COL18A1: variants seen among roughly 807,000 people sequenced by gnomAD.
The protein encoded by COL18A1 is collagen alpha-1(XVIII) chain.
Under a neutral mutation model 168.0 loss-of-function variants are expected in COL18A1, and 133 were observed. The ratio of observed to expected loss-of-function variants is 0.79; its 90% confidence interval spans 0.69 to 0.91. COL18A1 has a LOEUF of 0.91. COL18A1 is among the 40% of genes least tolerant of loss of function. The pLI, the probability that COL18A1 is intolerant of heterozygous loss-of-function variation, is 0.00. For missense variants in COL18A1, 2,126 were observed against 1,925.4 expected, an observed-to-expected ratio of 1.10 and a Z score of -1.95; for synonymous variants, 949 against 809.0, an observed-to-expected ratio of 1.17 and a Z score of -2.94.
Position 45,455,949 on chromosome 21 carries a change from C to T in COL18A1, c.107-12293C>T, listed in dbSNP as rs758099059. 3.3e-5 allele frequency: 54 copies of T among 1,612,954 alleles called. No homozygotes were observed. The highest frequency in any genetic ancestry group is 2.0e-4 in the African/African-American group (15 of 74,922). The stretch of plus-strand genomic sequence containing the variant: ...GTCCCCACTGAGAGCTTGGCCAGGG[C>T]GGAAACCCTGGTCCTGGAGACTCCT... On this transcript the variant is annotated intron_variant, in intron 2 of 41. Coordinates refer to ENST00000651438, the MANE Select transcript of COL18A1 (RefSeq NM_001379500.1).
At chr21:45,405,536 G>T in intron 2 of COL18A1, 63 bp downstream of exon 2, 2 of 1,078,884 alleles carry the variant, frequency 1.9e-6, no homozygotes, top group Non-Finnish European at 2.4e-6. Flanking sequence ...GCCCTGGCTG[G>T]GGTCCCCGCC....
intron 30 of COL18A1, 88 bp downstream of exon 30, chr21:45,496,656 G>T: frequency 1.3e-6 from 1 of 786,806 alleles, no homozygotes; most frequent in Non-Finnish European, 2.3e-6. Flanking sequence ...TTCTCCCCTG[G>T]CCTCTGCGTC....
rs760605806 is a variant in COL18A1, at chr21:45,512,788, G to A, written c.*390G>A. 1.3e-4 allele frequency: 44 copies of A among 335,252 alleles called. No homozygotes were observed. The highest frequency in any genetic ancestry group is 8.8e-4 in the South Asian group (34 of 38,566). The allele number at this position is 335,252 out of a possible 1,614,324, so 20.8% of individuals were successfully genotyped here. On this transcript the variant is annotated 3_prime_UTR_variant, in exon 42 of 42. Coordinates refer to ENST00000651438, the MANE Select transcript of COL18A1 (RefSeq NM_001379500.1). ...ACTTCATCTCCCACCTAGCAGCACCGTTCTGTGCACAAAACCCAGACCTGT... is the reference window on the plus strand; with the variant it reads ...ACTTCATCTCCCACCTAGCAGCACCATTCTGTGCACAAAACCCAGACCTGT...
rs772745595 is a variant in COL18A1 at position 45,492,764 on chromosome 21, C to G, written c.2214+51C>G. 6.9e-6 allele frequency: 10 copies of G among 1,444,334 alleles called. No individual in the cohort carries two copies. The Admixed American group carries it at 1.7e-4, about 24-fold the overall frequency. 89.5% of individuals were successfully genotyped at this position (1,444,334 alleles called of 1,614,324 possible). A position where few individuals can be genotyped will look rare whatever the true frequency, so the allele number is the denominator to read the frequency against. ...ATGCTGCCCGGCTGGGGAGGGGTCT[C>G]CACCTGGTAGCACAGAGCAGCCCGG... On this transcript the variant is annotated intron_variant, in intron 24 of 41. Transcript: ENST00000651438.
rs1465523586 is a variant in COL18A1, at chr21:45,457,854, C to T, written c.107-10388C>T. ...GTGGGGGTTAGCAGCTGTGCCGGAC[C>T]TGGAGGTGGGGGTGCCTGCAGTGGA... On this transcript the variant is annotated intron_variant, in intron 2 of 41. Transcript: ENST00000651438. This position sits in a 1 kb window ranked among gnomAD's most constrained non-coding sequence, Gnocchi z 4.6. Among the ~76,000 whole-genome samples, 1 of 152,156 alleles carries T rather than the reference C, an allele frequency of 6.6e-6. No individual in the cohort carries two copies. Among genetic ancestry groups the T allele is most frequent in the Admixed American group, 6.5e-5 (1 of 15,280 alleles).
At position 45,479,971 on chromosome 21, in the gene COL18A1, C is replaced by G; in HGVS notation, c.1311+7C>G. 2 of 1,613,850 alleles carry G rather than the reference C, an allele frequency of 1.2e-6. No individual in the cohort carries two copies. Among genetic ancestry groups the G allele is most frequent in the South Asian group, 2.2e-5 (2 of 91,082 alleles). On this transcript the variant is annotated splice_region_variant and intron_variant, in intron 10 of 41. Coordinates refer to ENST00000651438, the MANE Select transcript of COL18A1 (RefSeq NM_001379500.1). ...AGGTCCCAAGGGCGACAAGGTGAGT[C>G]TCCGTGGCTGGGTGGGGCCCCTTCC... is the stretch of plus-strand genomic sequence containing the variant.
At chr21:45,509,630 TC>T in intron 39 of COL18A1, 29 bp downstream of exon 39, 2 of 1,206,884 alleles carry the variant, frequency 1.7e-6, no homozygotes, top group Non-Finnish European at 2.4e-6. Context: ...TGGGCTTGGC[TC>T]CATCTAGCCC....
intron 2 of COL18A1, among the ~76,000 whole-genome samples, chr21:45,461,060 T>G (rs1243690461): frequency 1.3e-5 from 2 of 152,082 alleles, no homozygotes; most frequent in South Asian, 4.1e-4. Flanking sequence ...CCGTTGTGAG[T>G]GTGGTGAGAA....
At chr21:45,449,880 T>C (rs2034584158) in intron 2 of COL18A1, among the ~76,000 whole-genome samples, 1 of 152,160 alleles carries the variant, frequency 6.6e-6, no homozygotes, top group Admixed American at 6.5e-5. Flanking sequence ...ACTCTGGAAG[T>C]GCCATGATAA....
chr21:45,443,506 C>G lies in COL18A1; in HGVS notation c.107-24736C>G, dbSNP rs1357872461. ...ATGCTTTGCCACTGGCCACCCAGAG[C>G]TAGGAGCCTCGGCCAAGGGCTCCCT... is the stretch of plus-strand genomic sequence containing the variant. On this transcript the variant is annotated intron_variant, in intron 2 of 41. Coordinates refer to ENST00000651438, the MANE Select transcript of COL18A1 (RefSeq NM_001379500.1). The surrounding 1 kb of genome is among the most constrained non-coding windows in gnomAD (Gnocchi z 5.2). 2.6e-5 allele frequency among the ~76,000 whole-genome samples: 4 copies of G among 152,182 alleles called. No individual in the cohort carries two copies. Among genetic ancestry groups the G allele is most frequent in the Non-Finnish European group, 4.4e-5 (3 of 68,014 alleles).
At chr21:45,480,434 AGGG>A (rs1263284008) in intron 11 of COL18A1, 30 bp from the exon 12 acceptor site, 4 of 1,613,936 alleles carry the variant, frequency 2.5e-6, no homozygotes, top group Non-Finnish European at 3.4e-6. Context: ...GGCCGAGCTC[AGGG>A]CAACGTGTCT....
chr21:45,452,807 T>G (rs1190825338), intron 2 of COL18A1, among the ~76,000 whole-genome samples: 1 of 151,878 alleles, frequency 6.6e-6, no homozygotes, highest in Non-Finnish European at 1.5e-5. Flanking sequence ...CATATGTGAT[T>G]GTGTATGCAT....
intron 2 of COL18A1, among the ~76,000 whole-genome samples, chr21:45,432,345 C>T (rs9984235): frequency 0.27 from 40,998 of 152,022 alleles, 7,774 homozygotes; most frequent in African/African-American, 0.52. Flanking sequence ...GAGGGACCCC[C>T]CACTTCATGT....
chr21:45,490,466 G>A (rs75951662), intron 20 of COL18A1, 120 bp downstream of exon 20: 13 of 660,230 alleles, frequency 2.0e-5, no homozygotes, highest in African/African-American at 1.7e-4. Context: ...ATGTGCCCTC[G>A]TGGGTCCCTG....
chr21:45,436,596 G>T (rs2034104261), intron 2 of COL18A1, among the ~76,000 whole-genome samples: 2 of 151,794 alleles, frequency 1.3e-5, no homozygotes, highest in African/African-American at 4.8e-5. Context: ...GGGACCATGG[G>T]ACTGGATGGC....
At position 45,498,663 on chromosome 21, in the gene COL18A1, C is replaced by T. The variant is rs2036633581; in HGVS notation, c.2683+1002C>T. On this transcript the variant is annotated intron_variant, in intron 32 of 41. Coordinates refer to ENST00000651438, the MANE Select transcript of COL18A1 (RefSeq NM_001379500.1). The surrounding 1 kb of genome is among the most constrained non-coding windows in gnomAD (Gnocchi z 4.5). ...GCAAGCGGGAAGATGGAAGATGTGC[C>T]CATGCCAGCCTTGGATCTCTCAGCG... 5 of 684,662 alleles carry T rather than the reference C, an allele frequency of 7.3e-6. No homozygotes were observed. The highest frequency in any genetic ancestry group is 2.1e-5 in the Admixed American group (1 of 47,222). The allele number at this position is 684,662 out of a possible 1,614,324, so 42.4% of individuals were successfully genotyped here.
chr21:45,466,120 G>T (rs763744253), intron 2 of COL18A1, among the ~76,000 whole-genome samples: 80 of 152,156 alleles, frequency 5.3e-4, no homozygotes, highest in Middle Eastern at 3.2e-3. Context: ...AGGGCGCTTT[G>T]GCTCAGAGGC....
At chr21:45,511,340 C>A in intron 41 of COL18A1, 114 bp downstream of exon 41, 1 of 696,576 alleles carries the variant, frequency 1.4e-6, no homozygotes, top group South Asian at 1.5e-5. Flanking sequence ...TATACATGCT[C>A]ATTACTTTAA....
In COL18A1 at chr21:45,510,106, C is replaced by A; in HGVS notation, c.3538C>A (p.Arg1180=). The change falls in exon 40 of 42, where the codon CGG becomes AGG. Residue 1180 remains arginine (R), a synonymous_variant. Transcript: ENST00000651438. ...ALNSPLSGGM[R]GIRGADFQCF... ...CAACAGCCCCCTGTCAGGCGGCATGCGGGGCATCCGCGGGGCCGACTTCCA... is the reference window on the plus strand; with the variant it reads ...CAACAGCCCCCTGTCAGGCGGCATGAGGGGCATCCGCGGGGCCGACTTCCA... The A allele has an allele frequency of 6.3e-7, 1 of 1,592,386 alleles. No individual in the cohort carries two copies. The highest frequency in any genetic ancestry group is 8.5e-7 in the Non-Finnish European group (1 of 1,171,734).
Sources: allele counts gnomAD v4.1 joint callset (sites outside exome capture counted in the v4.1 genomes callset), GRCh38; gene constraint gnomAD v4.1.1; non-coding constraint Gnocchi (gnomAD v3.1); transcripts MANE v1.5; gene names NCBI Gene and HGNC (gene_info 2026-07-23, HGNC 2026-07-21).